The following NBAS variants were observed in gnomAD, a reference collection of about 807,000 sequenced individuals.
NBAS encodes the protein NAG/BC035112 fusion.
Under a neutral mutation model 302.5 loss-of-function variants are expected in NBAS, and 219 were observed. That is an observed-to-expected ratio of 0.72 (90% CI 0.65 to 0.81). NBAS has a LOEUF of 0.81. Ranked by LOEUF, NBAS falls within the 30% of genes least tolerant of loss-of-function variation. The pLI is 0.00. For missense variants in NBAS, 2,932 were observed against 2,841.6 expected, an observed-to-expected ratio of 1.03 and a Z score of -0.72; for synonymous variants, 1,118 against 1,021.6, an observed-to-expected ratio of 1.09 and a Z score of -1.80.
the NBAS span, among the ~76,000 whole-genome samples, chr2:14,972,776 T>A: frequency 6.6e-6 from 1 of 152,154 alleles, no homozygotes; most frequent in Non-Finnish European, 1.5e-5. Context: ...GATGGCAGAG[T>A]AGGACTATGT....
At chr2:14,860,638 C>T in the NBAS span, among the ~76,000 whole-genome samples, 1 of 152,046 alleles carries the variant, frequency 6.6e-6, no homozygotes, top group African/African-American at 2.4e-5. Flanking sequence ...AAGTGAATCT[C>T]ATGAAGATAG....
chr2:14,940,330 G>A, the NBAS span, among the ~76,000 whole-genome samples: 1,044 of 152,180 alleles, frequency 6.9e-3, 30 homozygotes, highest in Admixed American at 0.045. Flanking sequence ...TAAAACATAT[G>A]TAGCACCTCC....
chr2:14,958,855 T>A, the NBAS span, among the ~76,000 whole-genome samples: 1 of 152,114 alleles, frequency 6.6e-6, no homozygotes, highest in African/African-American at 2.4e-5. Context: ...AGGGGCTCTA[T>A]AATCACAAAC....
At chr2:15,226,266 G>A (rs1241036260) in intron 47 of NBAS, among the ~76,000 whole-genome samples, 1 of 152,176 alleles carries the variant, frequency 6.6e-6, no homozygotes, top group Non-Finnish European at 1.5e-5. Context: ...TGGCATAGAG[G>A]AATTAGATGT....
the NBAS span, among the ~76,000 whole-genome samples, chr2:14,788,932 G>A: frequency 7.3e-3 from 1,119 of 152,354 alleles, 14 homozygotes; most frequent in Middle Eastern, 0.027. Flanking sequence ...CCTGCCCCCA[G>A]AGGTGGAGCC....
At chr2:15,233,775 A>T (rs1460063181) in intron 46 of NBAS, among the ~76,000 whole-genome samples, 4 of 152,234 alleles carry the variant, frequency 2.6e-5, no homozygotes, top group Admixed American at 1.3e-4. Flanking sequence ...GGGTAATTAA[A>T]CTGATAAAGG....
chr2:14,807,000 C>T, the NBAS span, among the ~76,000 whole-genome samples: 1 of 151,986 alleles, frequency 6.6e-6, no homozygotes, highest in Non-Finnish European at 1.5e-5. Flanking sequence ...TTTGTAATCT[C>T]TTGATATCTT....
chr2:15,188,173 A>AC (rs1665176382), intron 49 of NBAS, among the ~76,000 whole-genome samples: 1 of 152,244 alleles, frequency 6.6e-6, no homozygotes, highest in Non-Finnish European at 1.5e-5. Flanking sequence ...CTGGATGAAA[A>AC]CAATGAATCT....
intron 21 of NBAS, among the ~76,000 whole-genome samples, chr2:15,453,303 A>T (rs1371639795): frequency 6.6e-6 from 1 of 152,224 alleles, no homozygotes; most frequent in Non-Finnish European, 1.5e-5. Context: ...AGAGGCCCTA[A>T]GGAAGAACCC....
At chr2:15,090,702 G>A in the NBAS span, among the ~76,000 whole-genome samples, 70 of 152,262 alleles carry the variant, frequency 4.6e-4, no homozygotes, top group Admixed American at 1.4e-3. Flanking sequence ...ACACTCAGAT[G>A]CATATTTATA....
intron 44 of NBAS, 97 bp downstream of exon 44, chr2:15,275,387 T>G: frequency 7.4e-7 from 1 of 1,345,586 alleles, no homozygotes; most frequent in Non-Finnish European, 1.0e-6. Context: ...TGTAATTATT[T>G]TCAAGAAAGG....
chr2:15,512,399 T>G (rs982357172), intron 9 of NBAS, among the ~76,000 whole-genome samples: 7 of 152,290 alleles, frequency 4.6e-5, no homozygotes, highest in South Asian at 2.1e-4. Flanking sequence ...TTCTGTTAAT[T>G]TTGTTCACCT....
chr2:14,836,311 T>C, the NBAS span, among the ~76,000 whole-genome samples: 1 of 151,910 alleles, frequency 6.6e-6, no homozygotes, highest in Non-Finnish European at 1.5e-5. Flanking sequence ...CAACTATAAA[T>C]TTTATCTCAT....
chr2:14,974,172 C>G, the NBAS span, among the ~76,000 whole-genome samples: 1 of 152,184 alleles, frequency 6.6e-6, no homozygotes, highest in African/African-American at 2.4e-5. Flanking sequence ...TCTACTACTG[C>G]GCATTAAGCT....
rs188534501 is a variant in NBAS at position 15,223,341 on chromosome 2, T to A, written c.6237-4373A>T. Among the ~76,000 whole-genome samples the A allele has an allele frequency of 1.2e-4, 19 of 152,250 alleles. No homozygotes were observed. The South Asian group carries it at 2.5e-3, about 20-fold the overall frequency. On this transcript the variant is annotated intron_variant, in intron 47 of 51. Coordinates refer to ENST00000281513, the MANE Select transcript of NBAS (RefSeq NM_015909.4). ...GAAAAGCATGTCAGTATTTTTTTTT[T>A]ATCTGTGTAATTTTTCTAAGGGTTT...
chr2:15,077,815 C>T, the NBAS span, among the ~76,000 whole-genome samples: 1 of 152,100 alleles, frequency 6.6e-6, no homozygotes, highest in South Asian at 2.1e-4. Context: ...TCCTGAGTAG[C>T]TGGGGTTATA....
At position 15,512,003 on chromosome 2, in the gene NBAS, T is replaced by G. The variant is rs77501427; in HGVS notation, c.747-653A>C. Among the ~76,000 whole-genome samples, 218 of 152,312 alleles carry G rather than the reference T, an allele frequency of 1.4e-3. 6 individuals are homozygous for G. In the East Asian group the frequency reaches 0.037, roughly 26 times the overall value. ...ATAACGAAACCCCAACAGTCACAATTTTTAAAGCTATGTTCAGTACTTCTG... is the reference window on the plus strand; with the variant it reads ...ATAACGAAACCCCAACAGTCACAATGTTTAAAGCTATGTTCAGTACTTCTG... On this transcript the variant is annotated intron_variant, in intron 9 of 51. Transcript: ENST00000281513.
At chr2:15,043,968 A>G in the NBAS span, among the ~76,000 whole-genome samples, 1 of 152,186 alleles carries the variant, frequency 6.6e-6, no homozygotes, top group East Asian at 1.9e-4. Context: ...ATTCCCAAGC[A>G]CATGGGCCAG....
At chr2:14,982,166 T>G in the NBAS span, among the ~76,000 whole-genome samples, 1 of 152,182 alleles carries the variant, frequency 6.6e-6, no homozygotes, top group African/African-American at 2.4e-5. Context: ...CATGCATAGC[T>G]GCTCTGGTTG....
Sources: allele counts gnomAD v4.1 joint callset (sites outside exome capture counted in the v4.1 genomes callset), GRCh38; gene constraint gnomAD v4.1.1; transcripts MANE v1.5; gene names NCBI Gene and HGNC (gene_info 2026-07-23, HGNC 2026-07-21).